DGCR6: variants seen among roughly 807,000 people sequenced by gnomAD.
The protein encoded by DGCR6 is protein DGCR6.
chr22:18,910,121 A>G (rs768847480), intron 2 of DGCR6, 51 bp from the exon 3 acceptor site: 1 of 40,184 alleles, frequency 2.5e-5, no homozygotes, highest in South Asian at 9.2e-5. Context: ...CCCATGGGTG[A>G]GGGCTGCTGC....
At position 18,906,631 on chromosome 22, in the gene DGCR6, C is replaced by G. The variant is rs41290429; in HGVS notation, c.177C>G (p.Thr59=). Residue 59 remains threonine, a synonymous_variant, in exon 2 of 5, where the codon ACC becomes ACG. Coordinates refer to ENST00000331444, the MANE Select transcript of DGCR6 (RefSeq NM_005675.6). ...SDLALALLDG[T]VFEIVQGLLE... ...TGGCCCTGGCGCTTCTCGACGGCACCGTGTTCGAAATCGTGCAGGGGCTAC... is the reference window on the plus strand; with the variant it reads ...TGGCCCTGGCGCTTCTCGACGGCACGGTGTTCGAAATCGTGCAGGGGCTAC... 6.1e-5 allele frequency: 1 copy of G among 16,394 alleles called. No individual in the cohort carries two copies. Among genetic ancestry groups the G allele is most frequent in the South Asian group, 2.3e-4 (1 of 4,298 alleles). 1.0% of individuals were successfully genotyped at this position (16,394 alleles called of 1,614,324 possible).
In DGCR6 at chr22:18,910,257, G is replaced by C. The variant is rs1252420133; in HGVS notation, c.357G>C (p.Gln119His). 1.9e-5 allele frequency: 1 copy of C among 51,618 alleles called. No individual in the cohort carries two copies. The highest frequency in any genetic ancestry group is 2.1e-4 in the East Asian group (1 of 4,822). 3.2% of individuals were successfully genotyped at this position (51,618 alleles called of 1,614,324 possible). A position where few individuals can be genotyped will look rare whatever the true frequency, so the allele number is the denominator to read the frequency against. ...PHNLPVLQAA[Q>H]QRELEAVEHR... ...ACCTGCCTGTGCTTCAGGCGGCTCA[G>C]CAGCGAGAACTAGAGGTACTGGGGA... The change falls in exon 3 of 5, where the codon CAG (glutamine) becomes CAC (histidine). Residue 119 changes from glutamine (Q) to histidine (H), a missense_variant. By Grantham distance (24) the Gln-to-His change is conservative. Transcript: ENST00000331444.
intron 2 of DGCR6, chr22:18,908,571 A>G (rs527339105): frequency 4.6e-6 from 1 of 218,076 alleles, no homozygotes; most frequent in Admixed American, 5.6e-5. Context: ...TACTAATCCC[A>G]AGTGCATGGC....
At chr22:18,911,321 T>G (rs9618417) in intron 4 of DGCR6, among the ~76,000 whole-genome samples, 1,009 of 13,848 alleles carry the variant, frequency 0.073, 449 homozygotes, top group Non-Finnish European at 0.091. Flanking sequence ...CCCTGCTGGG[T>G]GCAGAGGCTC....
rs558262534 is a variant in DGCR6, at chr22:18,909,057, A to T, written c.272-1115A>T. Among the ~76,000 whole-genome samples the T allele has an allele frequency of 4.0e-5, 4 of 100,258 alleles. 1 individual carries two copies. Among genetic ancestry groups the T allele is most frequent in the African/African-American group, 9.7e-5 (3 of 31,022 alleles). 65.8% of individuals were successfully genotyped at this position (100,258 alleles called of 152,430 possible). A position where few individuals can be genotyped will look rare whatever the true frequency, so the allele number is the denominator to read the frequency against. On this transcript the variant is annotated intron_variant, in intron 2 of 4. Transcript: ENST00000331444. ...TCGTAGTGGACCTGGCACTTGTAGCAATGTTTGATCAGTAGAGTGAAGATG... is the reference window on the plus strand; with the variant it reads ...TCGTAGTGGACCTGGCACTTGTAGCTATGTTTGATCAGTAGAGTGAAGATG...
chr22:18,908,996 C>CTCT (rs2081898217), intron 2 of DGCR6, among the ~76,000 whole-genome samples: 1 of 104,754 alleles, frequency 9.5e-6, no homozygotes, highest in African/African-American at 3.1e-5. Flanking sequence ...CGGCGTGGCT[C>CTCT]TCTTCTTGCC....
Position 18,909,823 on chromosome 22 carries a change from C to T in DGCR6, c.272-349C>T, listed in dbSNP as rs559407606. On this transcript the variant is annotated intron_variant, in intron 2 of 4. Transcript: ENST00000331444. ...CCATGCCTTTGCCTGAGGTGGTCTC[C>T]AACACTTGAGTAGATGTCCTATGGC... Among the ~76,000 whole-genome samples, 16 of 71,808 alleles carry T rather than the reference C, an allele frequency of 2.2e-4. 2 individuals carry two copies. In the East Asian group the frequency reaches 3.1e-3, roughly 14 times the overall value. The allele number at this position is 71,808 out of a possible 152,430, so 47.1% of individuals were successfully genotyped here. A position where few individuals can be genotyped will look rare whatever the true frequency, so the allele number is the denominator to read the frequency against.
At position 18,909,012 on chromosome 22, in the gene DGCR6, G is replaced by A. The variant is rs569560748; in HGVS notation, c.272-1160G>A. 6.8e-4 allele frequency among the ~76,000 whole-genome samples: 72 copies of A among 105,434 alleles called. 15 individuals carry two copies. Among genetic ancestry groups the A allele is most frequent in the African/African-American group, 2.2e-3 (71 of 33,018 alleles). The allele number at this position is 105,434 out of a possible 152,430, so 69.2% of individuals were successfully genotyped here. ...GGCGTGGCTCTCTTCTTGCCTTTTG[G>A]TTGCATATCTAGTGGAATCTCGTAG... On this transcript the variant is annotated intron_variant, in intron 2 of 4. Transcript: ENST00000331444.
chr22:18,907,562 TG>T (rs2081893213), intron 2 of DGCR6: 1 of 52,774 alleles, frequency 1.9e-5, no homozygotes, highest in Admixed American at 1.8e-4. Context: ...CATTTGTGGC[TG>T]GGTAAGTCTT....
At position 18,909,142 on chromosome 22, in the gene DGCR6, A is replaced by G. The variant is rs921925415; in HGVS notation, c.272-1030A>G. Reference sequence around the variant, plus strand: ...GTCTTGAGGGGGGCTTTTGGTAAATACCATCGTCGAGGTGTGTACAGAATG... The same window carrying G: ...GTCTTGAGGGGGGCTTTTGGTAAATGCCATCGTCGAGGTGTGTACAGAATG... On this transcript the variant is annotated intron_variant, in intron 2 of 4. Transcript: ENST00000331444. 3.6e-5 allele frequency among the ~76,000 whole-genome samples: 3 copies of G among 82,650 alleles called. 1 individual carries two copies. The highest frequency in any genetic ancestry group is 2.2e-4 in the East Asian group (1 of 4,468). The allele number at this position is 82,650 out of a possible 152,430, so 54.2% of individuals were successfully genotyped here. A position where few individuals can be genotyped will look rare whatever the true frequency, so the allele number is the denominator to read the frequency against.
chr22:18,909,025 T>C lies in DGCR6; in HGVS notation c.272-1147T>C, dbSNP rs185080532. 1.1e-4 allele frequency among the ~76,000 whole-genome samples: 12 copies of C among 105,092 alleles called. 3 individuals are homozygous for C. The highest frequency in any genetic ancestry group is 9.7e-4 in the Admixed American group (11 of 11,306). 68.9% of individuals were successfully genotyped at this position (105,092 alleles called of 152,430 possible). A position where few individuals can be genotyped will look rare whatever the true frequency, so the allele number is the denominator to read the frequency against. On this transcript the variant is annotated intron_variant, in intron 2 of 4. Coordinates refer to ENST00000331444, the MANE Select transcript of DGCR6 (RefSeq NM_005675.6). Reference sequence around the variant, plus strand: ...TCTTGCCTTTTGGTTGCATATCTAGTGGAATCTCGTAGTGGACCTGGCACT... The same window carrying C: ...TCTTGCCTTTTGGTTGCATATCTAGCGGAATCTCGTAGTGGACCTGGCACT...
chr22:18,907,715 G>A (rs1166794831), intron 2 of DGCR6: 3 of 58,358 alleles, frequency 5.1e-5, no homozygotes, highest in South Asian at 3.5e-4. Context: ...GAACAAGAGC[G>A]GTCTCCTACA....
chr22:18,909,771 AGCGACCCG>A (rs2081900967), intron 2 of DGCR6, among the ~76,000 whole-genome samples: 1 of 87,768 alleles, frequency 1.1e-5, no homozygotes, highest in African/African-American at 3.4e-5. Context: ...GCTCAGGGTC[AGCGACCCG>A]GCTCCTCCTG....
In DGCR6 at chr22:18,909,682, G is replaced by A. The variant is rs1278877695; in HGVS notation, c.272-490G>A. Among the ~76,000 whole-genome samples the A allele has an allele frequency of 2.5e-5, 2 of 80,690 alleles. 1 individual carries two copies. The highest frequency in any genetic ancestry group is 6.5e-5 in the Non-Finnish European group (2 of 30,786). 52.9% of individuals were successfully genotyped at this position (80,690 alleles called of 152,430 possible). A position where few individuals can be genotyped will look rare whatever the true frequency, so the allele number is the denominator to read the frequency against. ...GTGTAGGGGCTGGGAGCTGCAAATG[G>A]GGGAGGGGGCTGCCCACCCTGAAGG... On this transcript the variant is annotated intron_variant, in intron 2 of 4. Transcript: ENST00000331444.
rs1288833672 is a variant in DGCR6 at position 18,909,713 on chromosome 22, A to C, written c.272-459A>C. 9.3e-5 allele frequency among the ~76,000 whole-genome samples: 8 copies of C among 86,456 alleles called. 3 individuals are homozygous for C. Among genetic ancestry groups the C allele is most frequent in the Non-Finnish European group, 2.5e-4 (8 of 32,598 alleles). The allele number at this position is 86,456 out of a possible 152,430, so 56.7% of individuals were successfully genotyped here. ...GGGGCTGCCCACCCTGAAGGGCAGC[A>C]CCAAGGGTGGAGGGGCCAACCACAC... On this transcript the variant is annotated intron_variant, in intron 2 of 4. Transcript: ENST00000331444.
chr22:18,907,636 C>G (rs2081893535), intron 2 of DGCR6: 1 of 18,126 alleles, frequency 5.5e-5, no homozygotes, highest in Non-Finnish European at 1.2e-4. Context: ...GTCGTGAAAA[C>G]CAAGAATGCC....
In DGCR6 at chr22:18,908,708, T is replaced by C. The variant is rs1480209370; in HGVS notation, c.272-1464T>C. 7.2e-5 allele frequency: 23 copies of C among 320,794 alleles called. 7 individuals carry two copies. Among genetic ancestry groups the C allele is most frequent in the Non-Finnish European group, 1.4e-4 (19 of 137,792 alleles). The allele number at this position is 320,794 out of a possible 1,614,324, so 19.9% of individuals were successfully genotyped here. On this transcript the variant is annotated intron_variant, in intron 2 of 4. Coordinates refer to ENST00000331444, the MANE Select transcript of DGCR6 (RefSeq NM_005675.6). Reference sequence around the variant, plus strand: ...TTCTGGTTCAGGTATGTGTTCAGGCTCATCTTTTCTTGTTTTCTCCGTGTC... The same window carrying C: ...TTCTGGTTCAGGTATGTGTTCAGGCCCATCTTTTCTTGTTTTCTCCGTGTC...
chr22:18,908,574 T>C (rs73155293), intron 2 of DGCR6: 36,311 of 231,540 alleles, frequency 0.16, 11,665 homozygotes, highest in Middle Eastern at 0.22. Context: ...TAATCCCAAG[T>C]GCATGGCTCA....
In DGCR6 at chr22:18,908,548, G is replaced by A. The variant is rs964834087; in HGVS notation, c.272-1624G>A. ...TTTTAAAAATTTTATTGAGCTGTAAGATGCATGCAGTTTACTAATCCCAAG... is the reference window on the plus strand; with the variant it reads ...TTTTAAAAATTTTATTGAGCTGTAAAATGCATGCAGTTTACTAATCCCAAG... On this transcript the variant is annotated intron_variant, in intron 2 of 4. Coordinates refer to ENST00000331444, the MANE Select transcript of DGCR6 (RefSeq NM_005675.6). 5 of 147,848 alleles carry A rather than the reference G, an allele frequency of 3.4e-5. 2 individuals are homozygous for A. Among genetic ancestry groups the A allele is most frequent in the East Asian group, 3.1e-4 (3 of 9,632 alleles). 9.2% of individuals were successfully genotyped at this position (147,848 alleles called of 1,614,324 possible).
Sources: gnomAD v4.1 joint callset for allele counts (sites outside exome capture counted in the v4.1 genomes callset) on GRCh38, gnomAD v4.1.1 for gene constraint, MANE v1.5 for transcripts, NCBI Gene and HGNC (gene_info 2026-07-23, HGNC 2026-07-21) for gene names.